TNNI1: variants seen among roughly 807,000 people sequenced by gnomAD.
The protein encoded by TNNI1 is troponin I, slow skeletal muscle.
In TNNI1, 14 loss-of-function variants were observed where a neutral mutation model predicts 26.7. The ratio of observed to expected loss-of-function variants is 0.52; its 90% confidence interval spans 0.35 to 0.82. TNNI1 has a LOEUF of 0.82. Ranked by LOEUF, TNNI1 falls within the 40% of genes least tolerant of loss-of-function variation. TNNI1 has a pLI of 0.01. For missense variants in TNNI1, 164 were observed against 257.0 expected (o/e 0.64, Z 2.47); for synonymous variants, 79 against 98.2 (o/e 0.80, Z 1.16).
At chr1:201,417,878 T>C in intron 1 of TNNI1, 66 bp from the exon 2 acceptor site, 1 of 1,188,622 alleles carries the variant, frequency 8.4e-7, no homozygotes. Flanking sequence ...CAGCTGGGCC[T>C]TGGGAGCCCA....
At chr1:201,412,605 C>T (rs879925709) in intron 6 of TNNI1, among the ~76,000 whole-genome samples, 2 of 152,192 alleles carry the variant, frequency 1.3e-5, no homozygotes, top group Admixed American at 6.5e-5. Flanking sequence ...ACTGTGCAAC[C>T]TAGGACAAGT....
At position 201,411,527 on chromosome 1, in the gene TNNI1, C is replaced by T. The variant is rs751485751; in HGVS notation, c.286G>A (p.Asp96Asn). ...KCLHNTREIK[D>N]LKLKVMDLRG... ...AGGTCCATCACCTTCAGCTTCAGGT[C>T]CTTAATCTGTAGGTGAGAAGCGCCC... Residue 96 changes from aspartate to asparagine, a missense_variant, in exon 7 of 9, where the codon GAC (aspartate) becomes AAC (asparagine). By Grantham distance (23) the Asp-to-Asn change is conservative (BLOSUM62 1). This residue lies in a region of TNNI1 where 117 missense variants were observed against 158.7 expected (regional missense o/e 0.74). Coordinates refer to ENST00000361379, the MANE Select transcript of TNNI1 (RefSeq NM_003281.4). The surrounding 1 kb of genome is among the most constrained non-coding windows in gnomAD (Gnocchi z 4.6). 1.4e-5 allele frequency: 22 copies of T among 1,594,670 alleles called. No individual in the cohort carries two copies. The highest frequency in any genetic ancestry group is 1.9e-5 in the Non-Finnish European group (22 of 1,172,150).
At chr1:201,409,675 TTC>T (rs1455099774) in intron 8 of TNNI1, among the ~76,000 whole-genome samples, 1 of 152,206 alleles carries the variant, frequency 6.6e-6, no homozygotes, top group East Asian at 1.9e-4. Flanking sequence ...CTATTGCACA[TTC>T]TCTCAGCACT....
At chr1:201,414,377 T>G in intron 5 of TNNI1, 141 bp downstream of exon 5, 126 of 686,790 alleles carry the variant, frequency 1.8e-4, no homozygotes, top group Middle Eastern at 4.3e-4. Context: ...GAAGATTAAA[T>G]GAGACCATGT....
chr1:201,417,670 C>A, intron 2 of TNNI1, 113 bp downstream of exon 2: 1 of 922,848 alleles, frequency 1.1e-6, no homozygotes, highest in South Asian at 5.2e-5. Context: ...AGGACCTGGT[C>A]TCTTAGGGAA....
intron 7 of TNNI1, 152 bp from the exon 8 acceptor site, chr1:201,410,587 A>G: frequency 1.5e-6 from 1 of 648,774 alleles, no homozygotes; most frequent in Non-Finnish European, 2.6e-6. Context: ...TCAGCCAGGC[A>G]GGTGGACACA....
rs201241440 is a variant in TNNI1, at chr1:201,410,427, A to G, written c.465T>C (p.Pro155=). 6.2e-7 allele frequency: 1 copy of G among 1,614,130 alleles called. No homozygotes were observed. The highest frequency in any genetic ancestry group is 1.7e-5 in the Admixed American group (1 of 60,030). ...VKKEDTEKER[P]VEVGDWRKNV... The stretch of plus-strand genomic sequence containing the variant: ...TCTTCCTCCAGTCACCCACCTCCAC[A>G]GGCCGCTCCTGTAGACAAGTGGCAC... The change falls in exon 8 of 9, where the codon CCT becomes CCC. Residue 155 remains proline, a synonymous_variant. Transcript: ENST00000361379.
At chr1:201,420,311 G>A (rs1421568599) in intron 1 of TNNI1, among the ~76,000 whole-genome samples, 1 of 152,268 alleles carries the variant, frequency 6.6e-6, no homozygotes, top group African/African-American at 2.4e-5. Flanking sequence ...GCCAGGCTCT[G>A]TGGAAGACAA....
At chr1:201,417,850 G>T in intron 1 of TNNI1, 38 bp from the exon 2 acceptor site, 1 of 1,307,742 alleles carries the variant, frequency 7.6e-7, no homozygotes, top group South Asian at 3.2e-5. Context: ...AGGGAAAGTG[G>T]AAACCCCTGC....
intron 1 of TNNI1, among the ~76,000 whole-genome samples, chr1:201,418,513 G>C (rs1382059928): frequency 1.3e-5 from 2 of 151,890 alleles, no homozygotes; most frequent in African/African-American, 2.4e-5. Context: ...TCACTCATGA[G>C]GGCCTTGAAG....
At position 201,406,333 on chromosome 1, in the gene TNNI1, T is replaced by C. The variant is rs1662514935; in HGVS notation, c.*2920A>G. 1 of 152,232 alleles carries C rather than the reference T, an allele frequency of 6.6e-6. No individual in the cohort carries two copies. Among genetic ancestry groups the C allele is most frequent in the Non-Finnish European group, 1.5e-5 (1 of 68,054 alleles). 9.4% of individuals were successfully genotyped at this position (152,232 alleles called of 1,614,324 possible). Reference sequence around the variant, plus strand: ...TAAAGCATTTAACATCACATATTACTATTATTGAAATGCTGTTATTAAAAT... The same window carrying C: ...TAAAGCATTTAACATCACATATTACCATTATTGAAATGCTGTTATTAAAAT... On this transcript the variant is annotated 3_prime_UTR_variant, in exon 9 of 9. Coordinates refer to ENST00000361379, the MANE Select transcript of TNNI1 (RefSeq NM_003281.4).
At chr1:201,417,092 A>C in intron 3 of TNNI1, 24 bp downstream of exon 3, 3 of 1,614,116 alleles carry the variant, frequency 1.9e-6, no homozygotes, top group Non-Finnish European at 2.5e-6. Flanking sequence ...TAACCAAGAC[A>C]GAGATACCCC....
At chr1:201,412,554 C>T (rs1385203860) in intron 6 of TNNI1, among the ~76,000 whole-genome samples, 1 of 152,174 alleles carries the variant, frequency 6.6e-6, no homozygotes, top group Non-Finnish European at 1.5e-5. Context: ...CACAGAGCAC[C>T]GGAGTGGAAG....
In TNNI1 at chr1:201,414,542, A is replaced by C. The variant is rs1393405629; in HGVS notation, c.165T>G (p.Arg55=). The part of the protein sequence containing the change: ...LAERIPTLQT[R]GLSLSALQDL... Reference sequence around the variant, plus strand: ...CCTGCAGGGCACTGAGGGACAGGCCACGGGTCTGCAGCGTGGGGATGCGCT... The same window carrying C: ...CCTGCAGGGCACTGAGGGACAGGCCCCGGGTCTGCAGCGTGGGGATGCGCT... Residue 55 remains arginine, a synonymous_variant, in exon 5 of 9, where the codon CGT becomes CGG. Coordinates refer to ENST00000361379, the MANE Select transcript of TNNI1 (RefSeq NM_003281.4). The C allele has an allele frequency of 1.9e-6, 3 of 1,609,254 alleles. No homozygotes were observed. Among genetic ancestry groups the C allele is most frequent in the Middle Eastern group, 1.7e-4 (1 of 5,896 alleles).
chr1:201,407,338 G>GTGTGAT lies in TNNI1; in HGVS notation c.*1909_*1914dup, dbSNP rs1662538672. 1 of 152,312 alleles carries GTGTGAT rather than the reference G, an allele frequency of 6.6e-6. No homozygotes were observed. Among genetic ancestry groups the GTGTGAT allele is most frequent in the Non-Finnish European group, 1.5e-5 (1 of 68,112 alleles). The allele number at this position is 152,312 out of a possible 1,614,324, so 9.4% of individuals were successfully genotyped here. On this transcript the variant is annotated 3_prime_UTR_variant, in exon 9 of 9. Transcript: ENST00000361379. ...TGTGTCCGTGCCTACGGGTTTCTGT[G>GTGTGAT]TGTGATTGGGGTTGTGCTTTTTGCA...
rs139455576 is a variant in TNNI1 at position 201,410,478 on chromosome 1, A to G, written c.457-43T>C. ...ACACATCAGGGACTTACCAGGCTGGACGGCCCCCCAGCTCAAGAGAAGCTG... is the reference window on the plus strand; with the variant it reads ...ACACATCAGGGACTTACCAGGCTGGGCGGCCCCCCAGCTCAAGAGAAGCTG... On this transcript the variant is annotated intron_variant, in intron 7 of 8. Transcript: ENST00000361379. 199 of 1,562,548 alleles carry G rather than the reference A, an allele frequency of 1.3e-4. 1 individual carries two copies. In the East Asian group the frequency reaches 4.4e-3, roughly 35 times the overall value.
At position 201,415,375 on chromosome 1, in the gene TNNI1, C is replaced by T. The variant is rs113306772; in HGVS notation, c.16-121G>A. 1,167 of 993,576 alleles carry T rather than the reference C, an allele frequency of 1.2e-3. 11 individuals are homozygous for T. The African/African-American group carries it at 0.017, about 14-fold the overall frequency. 61.5% of individuals were successfully genotyped at this position (993,576 alleles called of 1,614,324 possible). On this transcript the variant is annotated intron_variant, in intron 3 of 8. Coordinates refer to ENST00000361379, the MANE Select transcript of TNNI1 (RefSeq NM_003281.4). ...ATCTTTATCCGGAATCCTCTGCTCA[C>T]CCTACGGTGCCTTAAAAGCTCATCT...
intron 7 of TNNI1, among the ~76,000 whole-genome samples, chr1:201,410,983 T>C (rs1243408518): frequency 6.6e-6 from 1 of 152,242 alleles, no homozygotes; most frequent in African/African-American, 2.4e-5. Context: ...ATGTCTATGC[T>C]CGTGTGTGGC....
At chr1:201,410,082 T>C in intron 8 of TNNI1, 1 of 446,322 alleles carries the variant, frequency 2.2e-6, no homozygotes, top group East Asian at 3.9e-5. Context: ...ACTGATTTGA[T>C]ACAGCCCCCA....
Sources: allele counts gnomAD v4.1 joint callset (sites outside exome capture counted in the v4.1 genomes callset), GRCh38; gene constraint gnomAD v4.1.1; regional missense constraint gnomAD v4.1.1; non-coding constraint Gnocchi (gnomAD v3.1); transcripts MANE v1.5; gene names NCBI Gene and HGNC (gene_info 2026-07-23, HGNC 2026-07-21).